PKP4: variants seen among roughly 807,000 people sequenced by gnomAD.
The protein encoded by PKP4 is plakophilin-4.
PKP4 carries 90 observed loss-of-function variants against 145.1 expected under a neutral mutation model. That is an observed-to-expected ratio of 0.62 (90% CI 0.52 to 0.74). The LOEUF (loss-of-function observed/expected upper bound fraction) is 0.74, where lower values mean the gene tolerates loss of function less well. Among genes scored for constraint, PKP4 ranks in the 30% least tolerant of loss-of-function variants. PKP4 has a pLI of 0.00. For missense variants in PKP4, 1,340 were observed against 1,482.7 expected (o/e 0.90, Z 1.58); for synonymous variants, 563 against 577.2 (o/e 0.98, Z 0.35).
intron 1 of PKP4, among the ~76,000 whole-genome samples, chr2:158,474,426 G>A (rs1692120611): frequency 6.6e-6 from 1 of 151,918 alleles, no homozygotes. Flanking sequence ...TCCTAGCATT[G>A]GGCCTCAGAA....
At chr2:158,651,568 A>G (rs1256568106) in intron 11 of PKP4, among the ~76,000 whole-genome samples, 2 of 151,828 alleles carry the variant, frequency 1.3e-5, no homozygotes, top group Non-Finnish European at 2.9e-5. Flanking sequence ...CTTCTTTCCC[A>G]GGCTATATAT....
intron 11 of PKP4, among the ~76,000 whole-genome samples, chr2:158,644,698 TA>T (rs1174264153): frequency 6.6e-6 from 1 of 152,232 alleles, no homozygotes; most frequent in African/African-American, 2.4e-5. Flanking sequence ...GCAATAAAGT[TA>T]AAATTTCTAA....
Position 158,676,755 on chromosome 2 carries a change from C to T in PKP4, c.3144C>T (p.Ser1048=), listed in dbSNP as rs2058047839. 15 of 1,614,048 alleles carry T rather than the reference C, an allele frequency of 9.3e-6. No homozygotes were observed. The South Asian group carries it at 1.4e-4, about 15-fold the overall frequency. Residue 1048 remains serine (S), a synonymous_variant, in exon 20 of 22, where the codon TCC becomes TCT. Coordinates refer to ENST00000389759, the MANE Select transcript of PKP4 (RefSeq NM_003628.6). ...TCCCTTCAGTCGGCAGCACCTCTTC[C>T]TCACCAGCACTGTTAGGAATCAGAG... ...PIIQSVGSTS[S]SPALLGIRDP...
chr2:158,519,553 A>G (rs1240227055), intron 1 of PKP4, among the ~76,000 whole-genome samples: 2 of 152,116 alleles, frequency 1.3e-5, no homozygotes, highest in African/African-American at 4.8e-5. Flanking sequence ...GGGATATACC[A>G]TACTCTGAAC....
chr2:158,469,551 T>C (rs1186475700), intron 1 of PKP4, among the ~76,000 whole-genome samples: 1 of 152,224 alleles, frequency 6.6e-6, no homozygotes, highest in Non-Finnish European at 1.5e-5. Context: ...TAATGTCTTT[T>C]CTACCTTGAA....
chr2:158,636,028 T>C (rs570726056), intron 9 of PKP4, among the ~76,000 whole-genome samples: 1 of 152,306 alleles, frequency 6.6e-6, no homozygotes, highest in Non-Finnish European at 1.5e-5. Flanking sequence ...TGATCTTTAC[T>C]GTATAAAAGG....
At chr2:158,509,983 T>C (rs912766594) in intron 1 of PKP4, among the ~76,000 whole-genome samples, 3 of 151,114 alleles carry the variant, frequency 2.0e-5, no homozygotes, top group Non-Finnish European at 2.9e-5. Flanking sequence ...TGTGACCACA[T>C]TGTAACATAG....
intron 1 of PKP4, among the ~76,000 whole-genome samples, chr2:158,505,647 G>A (rs2040904080): frequency 6.6e-6 from 1 of 152,090 alleles, no homozygotes; most frequent in Non-Finnish European, 1.5e-5. Flanking sequence ...AGCAGGGTGG[G>A]TGATAGGAGA....
intron 2 of PKP4, among the ~76,000 whole-genome samples, chr2:158,576,860 TA>T (rs1442755929): frequency 6.6e-6 from 1 of 152,214 alleles, no homozygotes; most frequent in South Asian, 2.1e-4. Context: ...CGGGGATTTA[TA>T]TTTTTTTAAA....
At chr2:158,559,899 C>G (rs942562857) in intron 2 of PKP4, among the ~76,000 whole-genome samples, 2 of 152,002 alleles carry the variant, frequency 1.3e-5, no homozygotes, top group Admixed American at 1.3e-4. Flanking sequence ...CAGAGTCTCA[C>G]TCTTTCTCCC....
intron 2 of PKP4, among the ~76,000 whole-genome samples, chr2:158,534,849 A>AT (rs1195871672): frequency 1.3e-5 from 2 of 152,180 alleles, no homozygotes; most frequent in Non-Finnish European, 2.9e-5. Context: ...CTGAATAAGT[A>AT]TTTTGTGGGA....
At chr2:158,510,225 T>G (rs1253646566) in intron 1 of PKP4, among the ~76,000 whole-genome samples, 1 of 152,216 alleles carries the variant, frequency 6.6e-6, no homozygotes, top group African/African-American at 2.4e-5. Flanking sequence ...ATATGACTGA[T>G]CTAATATATT....
chr2:158,480,316 A>G (rs1227527352), intron 1 of PKP4, among the ~76,000 whole-genome samples: 1 of 152,172 alleles, frequency 6.6e-6, no homozygotes, highest in African/African-American at 2.4e-5. Context: ...GGCTCACTGC[A>G]ACCTCTGCCT....
At position 158,631,927 on chromosome 2, in the gene PKP4, A is replaced by G; in HGVS notation, c.1328A>G (p.Tyr443Cys). 1 of 1,613,756 alleles carries G rather than the reference A, an allele frequency of 6.2e-7. No homozygotes were observed. The highest frequency in any genetic ancestry group is 2.2e-5 in the East Asian group (1 of 44,880). The part of the protein sequence containing the change: ...VELQGSQTAL[Y>C]RTGSVGIGNL... ...CTCCAAGGATCGCAGACGGCGTTGTATCGCACAGGTTCAGGTGGGCATCAA... is the reference window on the plus strand; with the variant it reads ...CTCCAAGGATCGCAGACGGCGTTGTGTCGCACAGGTTCAGGTGGGCATCAA... Residue 443 changes from tyrosine to cysteine, a missense_variant, in exon 8 of 22, where the codon TAT (tyrosine) becomes TGT (cysteine). By Grantham distance (194) the Tyr-to-Cys change is radical. Transcript: ENST00000389759.
At position 158,521,287 on chromosome 2, in the gene PKP4, C is replaced by A. The variant is rs190450192; in HGVS notation, c.-5-11893C>A. The stretch of plus-strand genomic sequence containing the variant: ...GTGCTTGTGTATTGACTACTCATTG[C>A]AGTATTAATGTTCATTTTTCTAATT... On this transcript the variant is annotated intron_variant, in intron 1 of 21. Coordinates refer to ENST00000389759, the MANE Select transcript of PKP4 (RefSeq NM_003628.6). Among the ~76,000 whole-genome samples, 431 of 152,268 alleles carry A rather than the reference C, an allele frequency of 2.8e-3. 4 individuals carry two copies. The highest frequency in any genetic ancestry group is 0.01 in the African/African-American group (418 of 41,538).
intron 9 of PKP4, among the ~76,000 whole-genome samples, chr2:158,640,046 A>G (rs1312352584): frequency 6.6e-6 from 1 of 152,264 alleles, no homozygotes. Context: ...GCACACATAT[A>G]TAGAAAAACA....
intron 1 of PKP4, among the ~76,000 whole-genome samples, chr2:158,526,012 A>C (rs202082866): frequency 0.67 from 100,392 of 150,064 alleles, 33,804 homozygotes; most frequent in South Asian, 0.83. Flanking sequence ...AACCAAAAAG[A>C]GTCCAGGACC....
chr2:158,606,989 T>C (rs895009931), intron 4 of PKP4, among the ~76,000 whole-genome samples: 2 of 152,236 alleles, frequency 1.3e-5, no homozygotes, highest in Non-Finnish European at 2.9e-5. Flanking sequence ...TCTTATTTTT[T>C]ACTATTTTAA....
At chr2:158,659,809 A>T (rs967981487) in intron 12 of PKP4, 3 of 151,800 alleles carry the variant, frequency 2.0e-5, no homozygotes, top group Non-Finnish European at 2.9e-5. Flanking sequence ...TGTAAGTCAG[A>T]TGGGGTTTGC....
Sources: allele counts gnomAD v4.1 joint callset (sites outside exome capture counted in the v4.1 genomes callset), GRCh38; gene constraint gnomAD v4.1.1; transcripts MANE v1.5; gene names NCBI Gene and HGNC (gene_info 2026-07-23, HGNC 2026-07-21).